PTPN12: variants seen among roughly 807,000 people sequenced by gnomAD.
The protein encoded by PTPN12 is tyrosine-protein phosphatase non-receptor type 12.
In PTPN12, 29 loss-of-function variants were observed where a neutral mutation model predicts 97.6. The observed-to-expected ratio is 0.30, with a 90% CI of 0.22 to 0.41. The LOEUF (loss-of-function observed/expected upper bound fraction) is 0.41. PTPN12 is among the 10% of genes least tolerant of loss of function. The pLI, the probability that PTPN12 is intolerant of heterozygous loss-of-function variation, is 1.00. For missense variants in PTPN12, 819 were observed against 926.0 expected (o/e 0.88, Z 1.50); for synonymous variants, 327 against 300.4 (o/e 1.09, Z -0.91).
chr7:77,607,744 G>A (rs1039024341), intron 9 of PTPN12, among the ~76,000 whole-genome samples: 2 of 150,312 alleles, frequency 1.3e-5, no homozygotes, highest in African/African-American at 4.9e-5. Flanking sequence ...AATTTTCATT[G>A]CCTTTTTTTT....
intron 1 of PTPN12, among the ~76,000 whole-genome samples, chr7:77,556,849 C>CA (rs970348541): frequency 3.3e-5 from 5 of 151,754 alleles, no homozygotes; most frequent in Non-Finnish European, 7.4e-5. Flanking sequence ...AATAAAAATA[C>CA]AAAAAAAGGG....
chr7:77,576,117 G>A (rs1178032279), intron 2 of PTPN12, among the ~76,000 whole-genome samples: 1 of 152,136 alleles, frequency 6.6e-6, no homozygotes, highest in Admixed American at 6.5e-5. Context: ...GCCTCCCAAA[G>A]TGCTGGGATT....
intron 1 of PTPN12, among the ~76,000 whole-genome samples, chr7:77,558,014 C>T (rs577392462): frequency 1.1e-4 from 16 of 151,834 alleles, no homozygotes; most frequent in African/African-American, 3.9e-4. Context: ...AGTTCGAGAC[C>T]AGCCTGGCCA....
At chr7:77,571,313 T>G in intron 2 of PTPN12, 127 bp downstream of exon 2, 1 of 607,760 alleles carries the variant, frequency 1.6e-6, no homozygotes, top group Non-Finnish European at 2.8e-6. Flanking sequence ...TCAAAGTACA[T>G]GGAAAGATAA....
At chr7:77,593,373 T>C (rs768444139) in intron 6 of PTPN12, among the ~76,000 whole-genome samples, 6 of 152,122 alleles carry the variant, frequency 3.9e-5, no homozygotes, top group Non-Finnish European at 8.8e-5. Context: ...TGCATGTGTA[T>C]ACATTTAAGG....
In PTPN12 at chr7:77,538,269, C is replaced by G. The variant is rs371462725; in HGVS notation, c.99+624C>G. Among the ~76,000 whole-genome samples, 66 of 152,244 alleles carry G rather than the reference C, an allele frequency of 4.3e-4. 1 individual carries two copies. In the East Asian group the frequency reaches 0.012, roughly 28 times the overall value. ...ACCTAATTTCCATTTACCCGCGTCC[C>G]GCTTCTCCTCTCCTGAGGCCCAGGT... On this transcript the variant is annotated intron_variant, in intron 1 of 17. Transcript: ENST00000248594.
chr7:77,543,253 T>C (rs1213354363), intron 1 of PTPN12, among the ~76,000 whole-genome samples: 2 of 115,208 alleles, frequency 1.7e-5, no homozygotes, highest in Non-Finnish European at 3.4e-5. Context: ...AAGGGTGGGT[T>C]TAGTGTCTTT....
intron 12 of PTPN12, among the ~76,000 whole-genome samples, chr7:77,622,777 AAAAG>A (rs999957411): frequency 8.0e-5 from 12 of 149,456 alleles, no homozygotes; most frequent in African/African-American, 2.2e-4. Context: ...GTCTCAAAAA[AAAAG>A]AAAGAAAGAA....
chr7:77,607,087 G>A, intron 8 of PTPN12, 148 bp from the exon 9 acceptor site: 1 of 586,750 alleles, frequency 1.7e-6, no homozygotes. Context: ...TGAACACACT[G>A]TAAGTTGTAT....
intron 6 of PTPN12, among the ~76,000 whole-genome samples, chr7:77,593,125 TG>T (rs1445527394): frequency 2.0e-5 from 3 of 151,846 alleles, no homozygotes; most frequent in Non-Finnish European, 4.4e-5. Flanking sequence ...AAAAATTAGC[TG>T]GGTATGGTGG....
intron 11 of PTPN12, among the ~76,000 whole-genome samples, chr7:77,614,033 A>AGGC (rs1162535372): frequency 1.3e-5 from 2 of 151,938 alleles, no homozygotes; most frequent in African/African-American, 2.4e-5. Flanking sequence ...CTGAGACTAT[A>AGGC]GGCACATATA....
intron 13 of PTPN12, among the ~76,000 whole-genome samples, chr7:77,629,158 C>A (rs551152978): frequency 1.3e-5 from 2 of 151,718 alleles, no homozygotes; most frequent in Non-Finnish European, 2.9e-5. Flanking sequence ...ACTGTGTTAG[C>A]CAGGATGGTC....
At chr7:77,567,665 A>C (rs1424154142) in intron 1 of PTPN12, among the ~76,000 whole-genome samples, 1 of 152,222 alleles carries the variant, frequency 6.6e-6, no homozygotes, top group Non-Finnish European at 1.5e-5. Context: ...AAGCACACTC[A>C]AATTTGACAA....
rs10648385 is a variant in PTPN12, at chr7:77,605,945, C to CTTTTTTTTT, written c.696-1272_696-1264dup. 2.3e-4 allele frequency among the ~76,000 whole-genome samples: 12 copies of CTTTTTTTTT among 51,914 alleles called. 2 individuals are homozygous for CTTTTTTTTT. The highest frequency in any genetic ancestry group is 3.2e-4 in the African/African-American group (4 of 12,608). 34.1% of individuals were successfully genotyped at this position (51,914 alleles called of 152,430 possible). A position where few individuals can be genotyped will look rare whatever the true frequency, so the allele number is the denominator to read the frequency against. On this transcript the variant is annotated intron_variant, in intron 8 of 17. Transcript: ENST00000248594. ...TCCTGTACTCTAAAACAAGAGCCATCTTTTTTTTTTTTTTTTTTTTTTTTT... is the reference window on the plus strand; with the variant it reads ...TCCTGTACTCTAAAACAAGAGCCATCTTTTTTTTTTTTTTTTTTTTTTTTTTTTTTTTTT...
chr7:77,602,619 T>TA (rs1158153615), intron 8 of PTPN12, among the ~76,000 whole-genome samples: 1 of 150,832 alleles, frequency 6.6e-6, no homozygotes, highest in Non-Finnish European at 1.5e-5. Flanking sequence ...ACCCTATCTT[T>TA]TAAAAAAAAA....
At chr7:77,636,751 A>G (rs530535759) in intron 15 of PTPN12, 23 of 286,852 alleles carry the variant, frequency 8.0e-5, no homozygotes, top group African/African-American at 4.3e-4. Context: ...ATAATTAGTA[A>G]TAGTGGCTGG....
intron 8 of PTPN12, chr7:77,604,792 C>CATATAT (rs571804050): frequency 6.9e-6 from 2 of 291,158 alleles, no homozygotes; most frequent in Non-Finnish European, 1.4e-5. Context: ...ATGTTTATAT[C>CATATAT]ATATATATAT....
intron 1 of PTPN12, among the ~76,000 whole-genome samples, chr7:77,555,171 A>T (rs1007066650): frequency 4.0e-5 from 6 of 149,958 alleles, no homozygotes; most frequent in Admixed American, 4.0e-4. Flanking sequence ...GCTCCTCTTT[A>T]GGTAAGATGA....
At chr7:77,587,208 C>G (rs1421227984) in intron 5 of PTPN12, among the ~76,000 whole-genome samples, 1 of 152,078 alleles carries the variant, frequency 6.6e-6, no homozygotes, top group African/African-American at 2.4e-5. Context: ...GCAGCTTTAG[C>G]TTTACAAAAT....
Sources: gnomAD v4.1 joint callset for allele counts (sites outside exome capture counted in the v4.1 genomes callset) on GRCh38, gnomAD v4.1.1 for gene constraint, MANE v1.5 for transcripts, NCBI Gene and HGNC (gene_info 2026-07-23, HGNC 2026-07-21) for gene names.